QRFPR: variants seen among roughly 807,000 people sequenced by gnomAD.
The protein encoded by QRFPR is pyroglutamylated RFamide peptide receptor.
In QRFPR, 37 loss-of-function variants were observed where a neutral mutation model predicts 31.3. The observed-to-expected ratio is 1.18, with a 90% CI of 0.91 to 1.56. QRFPR has a LOEUF of 1.56. QRFPR is among the 40% of genes most tolerant of loss of function. QRFPR has a pLI of 0.00. For missense variants in QRFPR, 542 were observed against 532.5 expected (o/e 1.02, Z -0.18); for synonymous variants, 197 against 192.0 (o/e 1.03, Z -0.22).
chr4:121,373,527 T>C (rs1260018659), intron 1 of QRFPR, among the ~76,000 whole-genome samples: 4 of 152,232 alleles, frequency 2.6e-5, no homozygotes, highest in Admixed American at 6.5e-5. Context: ...TCAATAGCTT[T>C]TATCATTTCT....
At chr4:121,343,203 G>A (rs755494776) in intron 1 of QRFPR, among the ~76,000 whole-genome samples, 1 of 152,160 alleles carries the variant, frequency 6.6e-6, no homozygotes, top group South Asian at 2.1e-4. Context: ...TCAGCCTTCT[G>A]TGCTAGACTT....
At chr4:121,377,416 T>A (rs868393640) in intron 1 of QRFPR, among the ~76,000 whole-genome samples, 9,320 of 103,182 alleles carry the variant, frequency 0.09, 357 homozygotes, top group South Asian at 0.16. Context: ...TATATATATT[T>A]TTTTTTTTTT....
At chr4:121,330,661 G>T (rs1725304834) in intron 4 of QRFPR, 138 bp from the exon 5 acceptor site, 2 of 629,522 alleles carry the variant, frequency 3.2e-6, no homozygotes, top group Non-Finnish European at 2.8e-6. Flanking sequence ...TTATTCGTGG[G>T]CTGATTATCA....
At chr4:121,353,601 T>G (rs770827717) in intron 1 of QRFPR, among the ~76,000 whole-genome samples, 6 of 152,152 alleles carry the variant, frequency 3.9e-5, no homozygotes, top group South Asian at 2.1e-4. Context: ...TCCTTCTATA[T>G]TCTAGTTTCT....
chr4:121,347,580 A>G (rs1725679138), intron 1 of QRFPR, among the ~76,000 whole-genome samples: 1 of 152,128 alleles, frequency 6.6e-6, no homozygotes. Context: ...TTGACGCTTA[A>G]AGTAATATAT....
At chr4:121,357,651 T>G (rs11724501) in intron 1 of QRFPR, among the ~76,000 whole-genome samples, 39,412 of 152,104 alleles carry the variant, frequency 0.26, 5,759 homozygotes, top group Non-Finnish European at 0.34. Context: ...CTGGGAGCTT[T>G]AAAAGAAATT....
chr4:121,368,537 G>T (rs1188024730), intron 1 of QRFPR, among the ~76,000 whole-genome samples: 1 of 150,400 alleles, frequency 6.6e-6, no homozygotes, highest in Non-Finnish European at 1.5e-5. Flanking sequence ...AGAACTGGTT[G>T]CAGGACAGTG....
intron 3 of QRFPR, among the ~76,000 whole-genome samples, chr4:121,335,185 T>A (rs1725408141): frequency 1.3e-5 from 2 of 152,130 alleles, no homozygotes; most frequent in Admixed American, 6.5e-5. Flanking sequence ...ATATTTAGGG[T>A]ATTTTTTAAA....
At chr4:121,352,929 T>C (rs1455983423) in intron 1 of QRFPR, among the ~76,000 whole-genome samples, 1 of 152,058 alleles carries the variant, frequency 6.6e-6, no homozygotes, top group Non-Finnish European at 1.5e-5. Flanking sequence ...AGTTCATTTT[T>C]TTTCTTTCGT....
chr4:121,339,975 C>T (rs17437266), intron 2 of QRFPR, among the ~76,000 whole-genome samples: 50,195 of 151,352 alleles, frequency 0.33, 8,777 homozygotes, highest in Middle Eastern at 0.48. Flanking sequence ...AAAAATCGAC[C>T]TGCCCTTGTT....
chr4:121,366,321 C>T (rs1470722218), intron 1 of QRFPR, among the ~76,000 whole-genome samples: 1 of 149,776 alleles, frequency 6.7e-6, no homozygotes, highest in African/African-American at 2.5e-5. Flanking sequence ...TCTGTGAGCT[C>T]TCTAAAACAT....
rs932689342 is a variant in QRFPR at position 121,328,914 on chromosome 4, C to T, written c.*400G>A. ...GGGACTACAGGTGCCCGCCACCACGCCCGGCTAATTTTTGTATTTTTAGCA... is the reference window on the plus strand; with the variant it reads ...GGGACTACAGGTGCCCGCCACCACGTCCGGCTAATTTTTGTATTTTTAGCA... On this transcript the variant is annotated 3_prime_UTR_variant, in exon 6 of 6. Transcript: ENST00000394427. Among the ~76,000 whole-genome samples the T allele has an allele frequency of 6.6e-6, 1 of 152,126 alleles. No homozygotes were observed. The highest frequency in any genetic ancestry group is 1.5e-5 in the Non-Finnish European group (1 of 68,038).
intron 1 of QRFPR, among the ~76,000 whole-genome samples, chr4:121,345,908 T>C (rs778614523): frequency 3.3e-5 from 5 of 152,140 alleles, no homozygotes; most frequent in Admixed American, 6.6e-5. Context: ...CACTTTAGTG[T>C]GTAACAGGGA....
intron 1 of QRFPR, among the ~76,000 whole-genome samples, chr4:121,372,090 G>T (rs1306356350): frequency 1.3e-5 from 2 of 152,170 alleles, no homozygotes; most frequent in East Asian, 3.9e-4. Context: ...TGGGAGCAAG[G>T]TGGGGAGAAA....
chr4:121,378,614 G>A (rs1964744), intron 1 of QRFPR, among the ~76,000 whole-genome samples: 3,400 of 151,844 alleles, frequency 0.022, 48 homozygotes, highest in South Asian at 0.039. Flanking sequence ...TAGTAGAGAC[G>A]GGGTTTCACC....
intron 1 of QRFPR, among the ~76,000 whole-genome samples, chr4:121,365,572 TAA>T (rs1560743818): frequency 0.054 from 284 of 5,298 alleles, 41 homozygotes; most frequent in Non-Finnish European, 0.063. Context: ...ATATTATATA[TAA>T]TATATATTAT....
intron 1 of QRFPR, among the ~76,000 whole-genome samples, chr4:121,349,355 G>A (rs1312352646): frequency 6.6e-6 from 1 of 152,026 alleles, no homozygotes; most frequent in Non-Finnish European, 1.5e-5. Flanking sequence ...TGGAATTCCT[G>A]GATTGATCCT....
At chr4:121,374,933 TG>T (rs1225130689) in intron 1 of QRFPR, among the ~76,000 whole-genome samples, 2 of 152,152 alleles carry the variant, frequency 1.3e-5, no homozygotes, top group Non-Finnish European at 2.9e-5. Context: ...CGGCAGGATT[TG>T]GGGGAGTGCT....
At chr4:121,356,100 G>A (rs1394283380) in intron 1 of QRFPR, among the ~76,000 whole-genome samples, 3 of 152,234 alleles carry the variant, frequency 2.0e-5, no homozygotes, top group Non-Finnish European at 4.4e-5. Flanking sequence ...GACCAAGTCT[G>A]ACATTTTTTT....
Sources: allele counts gnomAD v4.1 joint callset (sites outside exome capture counted in the v4.1 genomes callset), GRCh38; gene constraint gnomAD v4.1.1; transcripts MANE v1.5; gene names NCBI Gene and HGNC (gene_info 2026-07-23, HGNC 2026-07-21).